Variants in HS3ST4 observed in about 807,000 individuals in gnomAD.
HS3ST4 encodes the protein heparan sulfate glucosamine 3-O-sulfotransferase 4.
Under a neutral mutation model 29.2 loss-of-function variants are expected in HS3ST4, and 17 were observed. The ratio of observed to expected loss-of-function variants is 0.58; its 90% confidence interval spans 0.40 to 0.87. HS3ST4 has a LOEUF of 0.87. HS3ST4 is among the 40% of genes least tolerant of loss of function. The pLI is 0.00. For missense variants in HS3ST4, 627 were observed against 634.5 expected, an observed-to-expected ratio of 0.99 and a Z score of 0.13; for synonymous variants, 314 against 285.7, an observed-to-expected ratio of 1.10 and a Z score of -1.00.
chr16:26,078,679 C>A (rs1274038241), intron 1 of HS3ST4, among the ~76,000 whole-genome samples: 1 of 152,108 alleles, frequency 6.6e-6, no homozygotes, highest in Non-Finnish European at 1.5e-5. Context: ...GATTCCCAGA[C>A]CAGAAAGATT....
At chr16:26,121,295 G>C (rs1165372041) in intron 1 of HS3ST4, among the ~76,000 whole-genome samples, 1 of 152,180 alleles carries the variant, frequency 6.6e-6, no homozygotes, top group Non-Finnish European at 1.5e-5. Context: ...GTGATTTTCT[G>C]GACATGCGAC....
At chr16:25,981,917 C>A (rs907606615) in intron 1 of HS3ST4, among the ~76,000 whole-genome samples, 1 of 152,286 alleles carries the variant, frequency 6.6e-6, no homozygotes, top group East Asian at 1.9e-4. Flanking sequence ...TGGTGCTCAA[C>A]AAATGGCCTC....
chr16:25,778,019 A>C (rs2141613923), intron 1 of HS3ST4, among the ~76,000 whole-genome samples: 1 of 152,212 alleles, frequency 6.6e-6, no homozygotes, highest in Admixed American at 6.5e-5. Context: ...TTTGATTGCT[A>C]GGTTGGGCCA....
intron 1 of HS3ST4, among the ~76,000 whole-genome samples, chr16:25,942,326 C>G (rs995700199): frequency 6.6e-6 from 1 of 152,168 alleles, no homozygotes; most frequent in African/African-American, 2.4e-5. Context: ...AGTCACCAAC[C>G]AGTGAAGAGT....
Position 25,873,539 on chromosome 16 carries a change from T to TA in HS3ST4, c.734+180388_734+180389insA, listed in dbSNP as rs1967790620. 1.3e-5 allele frequency among the ~76,000 whole-genome samples: 2 copies of TA among 150,698 alleles called. 1 individual carries two copies. The highest frequency in any genetic ancestry group is 3.0e-5 in the Non-Finnish European group (2 of 67,732). ...CTATCTATCTGTCTATCTATCTATC[T>TA]TTCTCTATCTATCTGTCTATACATC... is the stretch of plus-strand genomic sequence containing the variant. On this transcript the variant is annotated intron_variant, in intron 1 of 1. Coordinates refer to ENST00000331351, the MANE Select transcript of HS3ST4 (RefSeq NM_006040.3).
intron 1 of HS3ST4, among the ~76,000 whole-genome samples, chr16:25,983,464 G>T (rs1969029570): frequency 6.6e-6 from 1 of 152,166 alleles, no homozygotes; most frequent in Admixed American, 6.5e-5. Context: ...CCCTGTGCCT[G>T]GGATCCTCCT....
At chr16:25,779,283 A>G (rs1966850562) in intron 1 of HS3ST4, among the ~76,000 whole-genome samples, 1 of 152,228 alleles carries the variant, frequency 6.6e-6, no homozygotes, top group Non-Finnish European at 1.5e-5. Context: ...AAACAAAGCT[A>G]AACAGCGAAT....
chr16:26,015,326 G>A (rs1421125342), intron 1 of HS3ST4, among the ~76,000 whole-genome samples: 3 of 152,188 alleles, frequency 2.0e-5, no homozygotes, highest in African/African-American at 4.8e-5. Flanking sequence ...AACCAACCAA[G>A]GAAGAAATGC....
chr16:25,928,364 C>G (rs185444128), intron 1 of HS3ST4, among the ~76,000 whole-genome samples: 1 of 143,128 alleles, frequency 7.0e-6, no homozygotes, highest in East Asian at 2.0e-4. Context: ...GACCCCATCT[C>G]TATTAAAAAA....
chr16:26,079,663 T>G (rs1324707606), intron 1 of HS3ST4, among the ~76,000 whole-genome samples: 1 of 152,182 alleles, frequency 6.6e-6, no homozygotes. Context: ...CAAAAAGTTA[T>G]CGGTAGCAGA....
intron 1 of HS3ST4, among the ~76,000 whole-genome samples, chr16:25,863,847 G>A (rs114487097): frequency 0.019 from 2,894 of 152,278 alleles, 91 homozygotes; most frequent in African/African-American, 0.066. Flanking sequence ...AGTCCGCCAG[G>A]GATGCCAATA....
chr16:25,899,936 A>G (rs2141672833), intron 1 of HS3ST4, among the ~76,000 whole-genome samples: 1 of 152,328 alleles, frequency 6.6e-6, no homozygotes, highest in Non-Finnish European at 1.5e-5. Flanking sequence ...AGGAGCACAC[A>G]TCCCATTAGG....
chr16:26,117,419 G>C (rs1899215183), intron 1 of HS3ST4, among the ~76,000 whole-genome samples: 1 of 152,160 alleles, frequency 6.6e-6, no homozygotes, highest in Admixed American at 6.5e-5. Context: ...CTTGTAACTT[G>C]CCTTCTAGCG....
chr16:26,008,310 G>T (rs1179097244), intron 1 of HS3ST4, among the ~76,000 whole-genome samples: 1 of 152,136 alleles, frequency 6.6e-6, no homozygotes, highest in East Asian at 1.9e-4. Flanking sequence ...TGTAAAACAG[G>T]TAGAAGATAA....
At chr16:25,993,409 G>A (rs1418004953) in intron 1 of HS3ST4, among the ~76,000 whole-genome samples, 1 of 152,026 alleles carries the variant, frequency 6.6e-6, no homozygotes, top group Non-Finnish European at 1.5e-5. Flanking sequence ...AAATTCCTAT[G>A]ACCCTCAGAG....
intron 1 of HS3ST4, among the ~76,000 whole-genome samples, chr16:25,712,382 G>C (rs111373186): frequency 6.6e-6 from 1 of 152,058 alleles, no homozygotes; most frequent in Non-Finnish European, 1.5e-5. Flanking sequence ...ATTAGCCTGC[G>C]TGGTGGTGCA....
chr16:25,730,177 C>G (rs1966561288), intron 1 of HS3ST4, among the ~76,000 whole-genome samples: 1 of 152,120 alleles, frequency 6.6e-6, no homozygotes, highest in South Asian at 2.1e-4. Flanking sequence ...GGGTCTTGCT[C>G]TGGTAGCCTC....
At chr16:25,857,491 C>T (rs1284676516) in intron 1 of HS3ST4, among the ~76,000 whole-genome samples, 2 of 152,134 alleles carry the variant, frequency 1.3e-5, no homozygotes, top group African/African-American at 4.8e-5. Context: ...TTATACACTT[C>T]TGCGTATGAT....
intron 1 of HS3ST4, among the ~76,000 whole-genome samples, chr16:25,965,181 T>G (rs1351191810): frequency 6.6e-6 from 1 of 151,996 alleles, no homozygotes; most frequent in Non-Finnish European, 1.5e-5. Flanking sequence ...TCTCTAAACA[T>G]CTGGTTCCTT....
Sources: gnomAD v4.1 joint callset for allele counts (sites outside exome capture counted in the v4.1 genomes callset) on GRCh38, gnomAD v4.1.1 for gene constraint, MANE v1.5 for transcripts, NCBI Gene and HGNC (gene_info 2026-07-23, HGNC 2026-07-21) for gene names.